Variants in APBA1 observed in about 807,000 individuals in gnomAD.
APBA1 encodes the protein amyloid beta precursor protein binding family A member 1.
In APBA1, 55 loss-of-function variants were observed where a neutral mutation model predicts 86.6. The ratio of observed to expected loss-of-function variants is 0.64; its 90% CI spans 0.51 to 0.80. The LOEUF (loss-of-function observed/expected upper bound fraction) is 0.80, where lower values mean the gene tolerates loss of function less well. Among genes scored for constraint, APBA1 ranks in the 30% least tolerant of loss-of-function variants. The pLI, the probability that APBA1 is intolerant of heterozygous loss-of-function variation, is 0.00. For synonymous variants in APBA1, 511 were observed against 493.9 expected (o/e 1.03, Z -0.46); for missense variants, 1,090 against 1,183.0 (o/e 0.92, Z 1.15).
chr9:69,458,152 G>C lies in APBA1; in HGVS notation c.1515+4C>G. 1.2e-6 allele frequency: 2 copies of C among 1,611,470 alleles called. No homozygotes were observed. The highest frequency in any genetic ancestry group is 2.2e-5 in the South Asian group (2 of 90,402). ...CCAAGCTGATGAAGTTGTTTGTACT[G>C]CACCTTCTTCCTGCTTTTGGCTAAT... On this transcript the variant is annotated splice_donor_region_variant and intron_variant, in intron 6 of 12. Coordinates refer to ENST00000265381, the MANE Select transcript of APBA1 (RefSeq NM_001163.4).
At chr9:69,631,507 A>G (rs1823044898) in intron 1 of APBA1, among the ~76,000 whole-genome samples, 1 of 152,230 alleles carries the variant, frequency 6.6e-6, no homozygotes, top group Middle Eastern at 3.2e-3. Context: ...GCGATTCCTC[A>G]AGGATCTAGG....
At chr9:69,610,806 C>A (rs933886891) in intron 1 of APBA1, among the ~76,000 whole-genome samples, 1 of 152,134 alleles carries the variant, frequency 6.6e-6, no homozygotes, top group Non-Finnish European at 1.5e-5. Flanking sequence ...CCAGGTTCTC[C>A]AGGACTCCTG....
chr9:69,639,751 A>T (rs1238831523), intron 1 of APBA1, among the ~76,000 whole-genome samples: 1 of 152,236 alleles, frequency 6.6e-6, no homozygotes, highest in African/African-American at 2.4e-5. Flanking sequence ...AGTATAAATT[A>T]TATGTCAAGT....
At chr9:69,521,276 C>T (rs921492013) in intron 1 of APBA1, among the ~76,000 whole-genome samples, 1 of 152,204 alleles carries the variant, frequency 6.6e-6, no homozygotes, top group Non-Finnish European at 1.5e-5. Flanking sequence ...CCCTTTAGTC[C>T]ATCTCCACAC....
intron 2 of APBA1, among the ~76,000 whole-genome samples, chr9:69,498,248 A>G (rs1444658262): frequency 2.0e-5 from 3 of 152,104 alleles, no homozygotes; most frequent in African/African-American, 7.2e-5. Flanking sequence ...CAGCCCATGT[A>G]GCAGAGAACT....
chr9:69,554,268 C>T (rs1836829483), intron 1 of APBA1, among the ~76,000 whole-genome samples: 1 of 152,118 alleles, frequency 6.6e-6, no homozygotes, highest in Non-Finnish European at 1.5e-5. Flanking sequence ...TCCCACAGTT[C>T]AGGTGAAGAA....
At chr9:69,458,241 G>C in intron 5 of APBA1, 53 bp from the exon 6 acceptor site, 1 of 1,533,322 alleles carries the variant, frequency 6.5e-7, no homozygotes, top group East Asian at 2.3e-5. Flanking sequence ...AGAATGTGTA[G>C]AGACTCAAAG....
intron 11 of APBA1, among the ~76,000 whole-genome samples, chr9:69,440,038 T>C (rs1024061447): frequency 2.0e-5 from 3 of 152,250 alleles, no homozygotes; most frequent in Non-Finnish European, 4.4e-5. Flanking sequence ...TGGAGTTTAC[T>C]GGAGGTCCAC....
At chr9:69,484,095 C>T (rs2133849886) in intron 2 of APBA1, among the ~76,000 whole-genome samples, 1 of 152,224 alleles carries the variant, frequency 6.6e-6, no homozygotes, top group Admixed American at 6.5e-5. Context: ...CCCAGGGAAA[C>T]TGGTGCAGCT....
At chr9:69,580,811 G>A (rs185957370) in intron 1 of APBA1, among the ~76,000 whole-genome samples, 2 of 152,182 alleles carry the variant, frequency 1.3e-5, no homozygotes, top group Non-Finnish European at 2.9e-5. Flanking sequence ...CATAAACTTC[G>A]CATATCCCTC....
chr9:69,476,246 G>C (rs913828759), intron 2 of APBA1, 103 bp from the exon 3 acceptor site: 1 of 757,814 alleles, frequency 1.3e-6, no homozygotes. Context: ...GAACACAATC[G>C]AACAGACACT....
At chr9:69,499,042 G>A (rs1046581692) in intron 2 of APBA1, among the ~76,000 whole-genome samples, 3 of 152,046 alleles carry the variant, frequency 2.0e-5, no homozygotes, top group Non-Finnish European at 4.4e-5. Context: ...TGGTTCTAAG[G>A]TTATGCTTCT....
At chr9:69,567,057 A>G (rs1837038162) in intron 1 of APBA1, among the ~76,000 whole-genome samples, 1 of 152,200 alleles carries the variant, frequency 6.6e-6, no homozygotes, top group Admixed American at 6.5e-5. Flanking sequence ...ACACTTCAGT[A>G]CTGTTTGAAT....
chr9:69,452,295 G>C lies in APBA1; in HGVS notation c.1795C>G (p.Leu599Val). ...GCCTGTCCGATGGACTGTGCAATCA[G>C]CTGAGCCTGGAACAGCAGCCAGAGA... ...CHVFESEDAQ[L>V]IAQSIGQAFS... Residue 599 changes from leucine to valine, a missense_variant, in exon 9 of 13, where the codon CTG (leucine) becomes GTG (valine). By Grantham distance (32) the Leu-to-Val change is conservative. Coordinates refer to ENST00000265381, the MANE Select transcript of APBA1 (RefSeq NM_001163.4). 1 of 1,614,100 alleles carries C rather than the reference G, an allele frequency of 6.2e-7. No individual in the cohort carries two copies. Among genetic ancestry groups the C allele is most frequent in the Non-Finnish European group, 8.5e-7 (1 of 1,179,982 alleles).
intron 1 of APBA1, among the ~76,000 whole-genome samples, chr9:69,667,535 T>C (rs1175767219): frequency 2.7e-5 from 4 of 150,786 alleles, no homozygotes; most frequent in African/African-American, 9.8e-5. Flanking sequence ...AAAATTCCTA[T>C]GCTTCTGTCT....
At chr9:69,554,722 G>A (rs1836835894) in intron 1 of APBA1, among the ~76,000 whole-genome samples, 1 of 152,074 alleles carries the variant, frequency 6.6e-6, no homozygotes, top group Non-Finnish European at 1.5e-5. Flanking sequence ...TTGAATGAGA[G>A]ATTTTGCTAC....
intron 1 of APBA1, among the ~76,000 whole-genome samples, chr9:69,529,363 A>T (rs1440880983): frequency 2.6e-5 from 4 of 152,148 alleles, no homozygotes; most frequent in Non-Finnish European, 4.4e-5. Flanking sequence ...TTTGAATTTG[A>T]TGAGCCAGAA....
chr9:69,527,999 G>A (rs1232045426), intron 1 of APBA1, among the ~76,000 whole-genome samples: 2 of 152,092 alleles, frequency 1.3e-5, no homozygotes, highest in Non-Finnish European at 2.9e-5. Context: ...AAAAGATGAA[G>A]ATGTGCATCA....
At chr9:69,470,289 A>G (rs1441687308) in intron 4 of APBA1, among the ~76,000 whole-genome samples, 1 of 152,196 alleles carries the variant, frequency 6.6e-6, no homozygotes, top group Non-Finnish European at 1.5e-5. Context: ...ACCCTTAATG[A>G]TCCTATGTCA....
Sources: gnomAD v4.1 joint callset for allele counts (sites outside exome capture counted in the v4.1 genomes callset) on GRCh38, gnomAD v4.1.1 for gene constraint, MANE v1.5 for transcripts, NCBI Gene and HGNC (gene_info 2026-07-23, HGNC 2026-07-21) for gene names.